ARFGEF1: variants seen among roughly 807,000 people sequenced by gnomAD.
The protein encoded by ARFGEF1 is ARF guanine nucleotide exchange factor 1, also known as brefeldin A-inhibited guanine nucleotide-exchange protein 1.
Under a neutral mutation model 231.0 loss-of-function variants are expected in ARFGEF1, and 42 were observed. The ratio of observed to expected loss-of-function variants is 0.18; its 90% CI spans 0.14 to 0.24. The LOEUF is 0.24. Among genes scored for constraint, ARFGEF1 ranks in the 10% least tolerant of loss-of-function variants. The pLI, the probability that ARFGEF1 is intolerant of heterozygous loss-of-function variation, is 1.00. For synonymous variants in ARFGEF1, 710 were observed against 732.3 expected (o/e 0.97, Z 0.49); for missense variants, 1,345 against 2,192.0 (o/e 0.61, Z 7.72).
chr8:67,330,369 T>C (rs1808044956), intron 1 of ARFGEF1, among the ~76,000 whole-genome samples: 1 of 152,126 alleles, frequency 6.6e-6, no homozygotes, highest in Non-Finnish European at 1.5e-5. Flanking sequence ...AACCTTTCCT[T>C]CTACTTTACC....
At position 67,234,031 on chromosome 8, in the gene ARFGEF1, G is replaced by C. The variant is rs12542657; in HGVS notation, c.3290-1086C>G. On this transcript the variant is annotated intron_variant, in intron 22 of 38. Transcript: ENST00000262215. ...ACCAGATAAAGTTTCCTAAGGTTAG[G>C]AATCAAGTAATATTCATTTTTGTAC... Among the ~76,000 whole-genome samples the C allele has an allele frequency of 3.1e-3, 468 of 152,174 alleles. 14 individuals are homozygous for C. The highest frequency in any genetic ancestry group is 0.027 in the Admixed American group (417 of 15,284).
chr8:67,243,823 C>A (rs763515591), intron 19 of ARFGEF1, among the ~76,000 whole-genome samples: 1 of 152,188 alleles, frequency 6.6e-6, no homozygotes, highest in South Asian at 2.1e-4. Context: ...ACAGAGAATT[C>A]AAAAGAGCTG....
intron 7 of ARFGEF1, among the ~76,000 whole-genome samples, chr8:67,281,629 G>C (rs1805540565): frequency 1.3e-5 from 2 of 151,610 alleles, no homozygotes; most frequent in Non-Finnish European, 2.9e-5. Context: ...ACAAAAATAA[G>C]GTATAAATGC....
chr8:67,256,360 T>C (rs1840454037), intron 17 of ARFGEF1, among the ~76,000 whole-genome samples: 1 of 152,206 alleles, frequency 6.6e-6, no homozygotes, highest in South Asian at 2.1e-4. Context: ...CAATATTGTG[T>C]TTAAAACAGG....
intron 5 of ARFGEF1, among the ~76,000 whole-genome samples, chr8:67,292,570 A>G (rs1222947191): frequency 1.3e-5 from 2 of 152,316 alleles, no homozygotes; most frequent in East Asian, 3.9e-4. Flanking sequence ...CACCTTGTCA[A>G]ATATCTTTTA....
At chr8:67,197,253 C>T (rs1337350878), downstream of ARFGEF1, among the ~76,000 whole-genome samples, 2 of 151,918 alleles carry the variant, frequency 1.3e-5, no homozygotes, top group East Asian at 3.9e-4. Context: ...TTGAGACCAG[C>T]CTGGGCAATA....
chr8:67,294,137 A>G (rs888860603), intron 5 of ARFGEF1, among the ~76,000 whole-genome samples: 9 of 152,144 alleles, frequency 5.9e-5, no homozygotes, highest in African/African-American at 2.2e-4. Flanking sequence ...ATTAGGTATT[A>G]TAAGTAATGT....
chr8:67,238,799 G>T lies in ARFGEF1; in HGVS notation c.3074C>A (p.Thr1025Lys). Residue 1025 changes from threonine to lysine, a missense_variant, in exon 21 of 39, where the codon ACA becomes AAA. Physicochemically the swap from Thr to Lys is moderately conservative, Grantham distance 78. Coordinates refer to ENST00000262215, the MANE Select transcript of ARFGEF1 (RefSeq NM_006421.5). ...ITEMKQKNID[T>K]IKTLITVAHT... ...AGCCACTGTGATAAGTGTTTTTATT[G>T]TGTCAATGTTCTTCTGTTTCATTTC... 1 of 1,613,628 alleles carries T rather than the reference G, an allele frequency of 6.2e-7. No individual in the cohort carries two copies. Among genetic ancestry groups the T allele is most frequent in the Non-Finnish European group, 8.5e-7 (1 of 1,179,764 alleles).
intron 19 of ARFGEF1, among the ~76,000 whole-genome samples, chr8:67,250,590 G>A (rs548438525): frequency 1.5e-3 from 221 of 152,308 alleles, no homozygotes; most frequent in African/African-American, 5.1e-3. Flanking sequence ...ACACATACGT[G>A]TAGTTAGAAT....
intron 22 of ARFGEF1, among the ~76,000 whole-genome samples, chr8:67,233,988 G>A (rs1839635133): frequency 6.6e-6 from 1 of 152,090 alleles, no homozygotes; most frequent in Non-Finnish European, 1.5e-5. Flanking sequence ...TTTCAGGTGT[G>A]TTAATGTTGC....
At chr8:67,301,904 T>C (rs1806508522) in intron 2 of ARFGEF1, among the ~76,000 whole-genome samples, 2 of 152,208 alleles carry the variant, frequency 1.3e-5, no homozygotes, top group South Asian at 4.1e-4. Flanking sequence ...AGAATCTTTT[T>C]GTATTTTTAA....
chr8:67,287,482 C>T (rs1228219947), intron 7 of ARFGEF1, among the ~76,000 whole-genome samples: 2 of 152,170 alleles, frequency 1.3e-5, no homozygotes, highest in African/African-American at 4.8e-5. Context: ...GCAGTGAGTA[C>T]AACTATATGC....
intron 1 of ARFGEF1, among the ~76,000 whole-genome samples, chr8:67,330,380 A>T (rs1587334045): frequency 6.6e-6 from 1 of 152,116 alleles, no homozygotes; most frequent in African/African-American, 2.4e-5. Context: ...CTACTTTACC[A>T]CTCAAGGAAT....
At chr8:67,196,524 TTCTC>T (rs982531297), downstream of ARFGEF1, among the ~76,000 whole-genome samples, 2 of 152,324 alleles carry the variant, frequency 1.3e-5, no homozygotes, top group East Asian at 1.9e-4. Flanking sequence ...CAGGCACTGC[TTCTC>T]TCTCTAATAA....
At chr8:67,298,417 T>C (rs1190973343) in intron 4 of ARFGEF1, among the ~76,000 whole-genome samples, 1 of 152,170 alleles carries the variant, frequency 6.6e-6, no homozygotes, top group East Asian at 1.9e-4. Context: ...AGGGTTTTGC[T>C]GAGCAAGTTC....
At chr8:67,295,122 ATAAAT>A (rs1806174019) in intron 5 of ARFGEF1, among the ~76,000 whole-genome samples, 1 of 152,194 alleles carries the variant, frequency 6.6e-6, no homozygotes, top group Non-Finnish European at 1.5e-5. Flanking sequence ...ATATAAATAA[ATAAAT>A]TAAGGGAGGA....
Position 67,288,007 on chromosome 8 carries a change from T to C in ARFGEF1, c.975A>G (p.Pro325=), listed in dbSNP as rs759857544. ...CTACAATGTTCTGTACAATGTCTTGTGGCTTTTCCTCACAATCATGGTTTT... is the reference window on the plus strand; with the variant it reads ...CTACAATGTTCTGTACAATGTCTTGCGGCTTTTCCTCACAATCATGGTTTT... ...DGENHDCEEK[P]QDIVQNIVEE... The change falls in exon 7 of 39, where the codon CCA becomes CCG. Residue 325 remains proline (P), a synonymous_variant. Coordinates refer to ENST00000262215, the MANE Select transcript of ARFGEF1 (RefSeq NM_006421.5). 3.1e-6 allele frequency: 5 copies of C among 1,609,030 alleles called. No homozygotes were observed. Among genetic ancestry groups the C allele is most frequent in the Non-Finnish European group, 4.2e-6 (5 of 1,178,512 alleles).
At chr8:67,285,004 T>C (rs747111850) in intron 7 of ARFGEF1, among the ~76,000 whole-genome samples, 22 of 145,042 alleles carry the variant, frequency 1.5e-4, no homozygotes, top group Non-Finnish European at 2.2e-4. Context: ...AACGGATTCC[T>C]ACTGGCAGAC....
In ARFGEF1 at chr8:67,253,576, C is replaced by A; in HGVS notation, c.2573G>T (p.Gly858Val). The A allele has an allele frequency of 6.3e-7, 1 of 1,575,978 alleles. No individual in the cohort carries two copies. Among genetic ancestry groups the A allele is most frequent in the Non-Finnish European group, 8.7e-7 (1 of 1,150,062 alleles). Residue 858 changes from glycine (G) to valine (V), a missense_variant, in exon 18 of 39, where the codon GGT becomes GTT. Physicochemically the swap from Gly to Val is moderately radical, Grantham distance 109 (BLOSUM62 -3). This residue lies in a region of ARFGEF1 where 58 missense variants were observed against 133.6 expected (regional missense o/e 0.43). Transcript: ENST00000262215. ...TKEQYIKMNR[G>V]INDSKDLPEE... is the part of the protein sequence containing the mutation. Reference sequence around the variant, plus strand: ...AGGAAGGTCTTTACTGTCATTGATACCTCTATTCATCTTAATGTATTGTTC... The same window carrying A: ...AGGAAGGTCTTTACTGTCATTGATAACTCTATTCATCTTAATGTATTGTTC...
Sources: allele counts gnomAD v4.1 joint callset (sites outside exome capture counted in the v4.1 genomes callset), GRCh38; gene constraint gnomAD v4.1.1; regional missense constraint gnomAD v4.1.1; transcripts MANE v1.5; gene names NCBI Gene and HGNC (gene_info 2026-07-23, HGNC 2026-07-21).